Variants in EP300 observed in about 807,000 individuals in gnomAD.
The protein encoded by EP300 is EP300 lysine acetyltransferase.
Under a neutral mutation model 264.0 loss-of-function variants are expected in EP300, and 31 were observed. The observed-to-expected ratio is 0.12, with a 90% CI of 0.09 to 0.16. EP300 has a LOEUF of 0.16. EP300 is among the 10% of genes least tolerant of loss of function. EP300 has a pLI of 1.00. For missense variants in EP300, 2,766 were observed against 3,052.9 expected (o/e 0.91, Z 2.21); for synonymous variants, 1,340 against 1,045.4 (o/e 1.28, Z -5.44).
At chr22:41,175,190 C>T (rs2059193189) in intron 29 of EP300, among the ~76,000 whole-genome samples, 1 of 152,164 alleles carries the variant, frequency 6.6e-6, no homozygotes, top group South Asian at 2.1e-4. Context: ...GGACACATTC[C>T]ATGGCTGTTT....
chr22:41,173,358 TTCAA>T (rs2059181700), intron 28 of EP300, among the ~76,000 whole-genome samples: 1 of 152,222 alleles, frequency 6.6e-6, no homozygotes, highest in African/African-American at 2.4e-5. Context: ...CTGGGATACA[TTCAA>T]TCAATCTACA....
At chr22:41,101,481 G>A (rs1162870870) in intron 1 of EP300, among the ~76,000 whole-genome samples, 4 of 148,434 alleles carry the variant, frequency 2.7e-5, no homozygotes, top group South Asian at 2.1e-4. Context: ...ACACGATCTC[G>A]GCTCACTGCC....
chr22:41,163,994 GC>G, intron 21 of EP300, 58 bp from the exon 22 acceptor site: 1 of 1,482,182 alleles, frequency 6.7e-7, no homozygotes, highest in South Asian at 1.1e-5. Context: ...GGGAAATATT[GC>G]AAGTTTTCAT....
chr22:41,132,566 C>T (rs980150070), intron 6 of EP300, among the ~76,000 whole-genome samples: 5 of 152,080 alleles, frequency 3.3e-5, no homozygotes, highest in Admixed American at 6.6e-5. Flanking sequence ...GGATTACAGG[C>T]GTGAGCTACT....
chr22:41,173,915 C>A (rs900543886), intron 29 of EP300, 131 bp downstream of exon 29: 12 of 1,030,610 alleles, frequency 1.2e-5, no homozygotes, highest in Non-Finnish European at 1.6e-5. Flanking sequence ...AGTTCAAGAC[C>A]AGCCTGACCA....
chr22:41,134,163 C>CTTTTTTTTTTTTTTTTTTTTTTT (rs11362436), intron 6 of EP300, among the ~76,000 whole-genome samples: 1 of 105,632 alleles, frequency 9.5e-6, no homozygotes, highest in Non-Finnish European at 1.9e-5. Context: ...TCATTCTTTT[C>CTTTTTTTTTTTTTTTTTTTTTTT]TTTTTTTTTT....
At chr22:41,109,263 A>AC (rs1452494985) in intron 1 of EP300, among the ~76,000 whole-genome samples, 2 of 151,682 alleles carry the variant, frequency 1.3e-5, no homozygotes, top group South Asian at 2.1e-4. Context: ...CAAAAAAAAA[A>AC]AAAAACAAAA....
intron 1 of EP300, among the ~76,000 whole-genome samples, chr22:41,114,077 G>A (rs947380124): frequency 4.6e-5 from 7 of 152,180 alleles, no homozygotes; most frequent in East Asian, 1.9e-4. Flanking sequence ...TGTAAATCAC[G>A]TAAGTATAAG....
chr22:41,167,719 A>G (rs1156858083), intron 23 of EP300, among the ~76,000 whole-genome samples: 2 of 141,668 alleles, frequency 1.4e-5, no homozygotes, highest in African/African-American at 5.2e-5. Context: ...CCTGGATTCA[A>G]GCAATCCTCC....
chr22:41,104,207 A>G (rs2058745930), intron 1 of EP300, among the ~76,000 whole-genome samples: 2 of 152,186 alleles, frequency 1.3e-5, no homozygotes, highest in African/African-American at 4.8e-5. Flanking sequence ...TTAGCACACA[A>G]TTTAGGCTTA....
At chr22:41,106,271 G>A (rs1172742814) in intron 1 of EP300, among the ~76,000 whole-genome samples, 1 of 152,156 alleles carries the variant, frequency 6.6e-6, no homozygotes, top group Non-Finnish European at 1.5e-5. Context: ...ATAAGAACAA[G>A]AAATCTTTGT....
chr22:41,132,960 G>A (rs1438920764), intron 6 of EP300, among the ~76,000 whole-genome samples: 2 of 152,026 alleles, frequency 1.3e-5, no homozygotes, highest in African/African-American at 4.8e-5. Context: ...GCTTTTTTCT[G>A]TGTCTATCCC....
In EP300 at chr22:41,177,117, G is replaced by A. The variant is rs537834282; in HGVS notation, c.5406G>A (p.Pro1802=). Reference sequence around the variant, plus strand: ...AGCACTGCCAGGAGAACAAATGCCCGGTGCCGTTCTGCCTAAACATCAAGC... The same window carrying A: ...AGCACTGCCAGGAGAACAAATGCCCAGTGCCGTTCTGCCTAAACATCAAGC... The part of the protein sequence containing the change: ...HAKHCQENKC[P]VPFCLNIKQK... Residue 1802 remains proline, a synonymous_variant, in exon 31 of 31, where the codon CCG becomes CCA. Coordinates refer to ENST00000263253, the MANE Select transcript of EP300 (RefSeq NM_001429.4). 189 of 1,614,000 alleles carry A rather than the reference G, an allele frequency of 1.2e-4. 2 individuals are homozygous for A. In the South Asian group the frequency reaches 1.3e-3, roughly 11 times the overall value.
chr22:41,169,743 C>G (rs1025228633), intron 26 of EP300, 127 bp downstream of exon 26: 55 of 673,066 alleles, frequency 8.2e-5, no homozygotes, highest in Non-Finnish European at 1.4e-4. Context: ...CGTAACAATT[C>G]TCTTAACTTT....
chr22:41,115,140 TGAAAG>T (rs1184924282), intron 1 of EP300, among the ~76,000 whole-genome samples: 10 of 152,098 alleles, frequency 6.6e-5, no homozygotes, highest in African/African-American at 1.4e-4. Flanking sequence ...TTTAGAGAAT[TGAAAG>T]GAAAGAAAAC....
At position 41,151,990 on chromosome 22, in the gene EP300, C is replaced by A. The variant is rs760974878; in HGVS notation, c.2975C>A (p.Thr992Asn). 4 of 1,614,050 alleles carry A rather than the reference C, an allele frequency of 2.5e-6. No individual in the cohort carries two copies. The highest frequency in any genetic ancestry group is 3.3e-5 in the Admixed American group (2 of 59,988). The part of the protein sequence containing the change: ...MEVDQPEPAD[T>N]QPEDISESKV... Reference sequence around the variant, plus strand: ...GTGGATCAACCAGAACCAGCAGATACTCAGCCGGAGGATATTTCAGAGGTG... The same window carrying A: ...GTGGATCAACCAGAACCAGCAGATAATCAGCCGGAGGATATTTCAGAGGTG... Residue 992 changes from threonine (T) to asparagine (N), a missense_variant, in exon 15 of 31, where the codon ACT (threonine) becomes AAT (asparagine). Transcript: ENST00000263253.
intron 5 of EP300, among the ~76,000 whole-genome samples, chr22:41,130,317 T>A (rs2058911147): frequency 1.3e-5 from 2 of 151,704 alleles, no homozygotes; most frequent in South Asian, 4.2e-4. Context: ...CCCAACAGTT[T>A]TGGAAGCCAA....
intron 17 of EP300, 146 bp downstream of exon 17, chr22:41,155,259 A>C (rs2059070538): frequency 1.3e-6 from 1 of 752,076 alleles, no homozygotes; most frequent in African/African-American, 1.8e-5. Flanking sequence ...ACAGGGTCTT[A>C]TTCTGGTTGC....
chr22:41,109,106 T>C (rs1192168116), intron 1 of EP300, among the ~76,000 whole-genome samples: 1 of 151,892 alleles, frequency 6.6e-6, no homozygotes, highest in Non-Finnish European at 1.5e-5. Context: ...GAGACCCCCA[T>C]CTCAACAAAA....
Sources: gnomAD v4.1 joint callset for allele counts (sites outside exome capture counted in the v4.1 genomes callset) on GRCh38, gnomAD v4.1.1 for gene constraint, MANE v1.5 for transcripts, NCBI Gene and HGNC (gene_info 2026-07-23, HGNC 2026-07-21) for gene names.